The following HPSE2 variants were observed in gnomAD, a reference collection of about 807,000 sequenced individuals.
HPSE2 encodes heparanase 2 (inactive).
A neutral mutation model predicts 60.5 loss-of-function variants in HPSE2; 38 were observed. The observed-to-expected ratio is 0.63, with a 90% CI of 0.48 to 0.82. HPSE2 has a LOEUF of 0.82. Ranked by LOEUF, HPSE2 falls within the 40% of genes least tolerant of loss-of-function variation. The pLI, the probability that HPSE2 is intolerant of heterozygous loss-of-function variation, is 0.00. For synonymous variants in HPSE2, 295 were observed against 293.2 expected (o/e 1.01, Z -0.06); for missense variants, 713 against 740.4 (o/e 0.96, Z 0.43).
At chr10:98,691,157 C>G (rs1312453800) in intron 6 of HPSE2, among the ~76,000 whole-genome samples, 1 of 152,124 alleles carries the variant, frequency 6.6e-6, no homozygotes, top group Non-Finnish European at 1.5e-5. Flanking sequence ...TCCTCCTGGC[C>G]AGAATTGCCT....
intron 3 of HPSE2, among the ~76,000 whole-genome samples, chr10:99,029,553 C>T (rs541062440): frequency 2.3e-4 from 35 of 152,186 alleles, no homozygotes; most frequent in Non-Finnish European, 3.2e-4. Flanking sequence ...ACGTGGGTCA[C>T]GTGTCCACTG....
intron 3 of HPSE2, among the ~76,000 whole-genome samples, chr10:99,007,951 CT>C (rs953304826): frequency 4.1e-4 from 62 of 152,318 alleles, no homozygotes; most frequent in African/African-American, 1.4e-3. Context: ...TCCCCATGCC[CT>C]GTATGCATAA....
chr10:98,531,982 C>T (rs1178238837), intron 9 of HPSE2, among the ~76,000 whole-genome samples: 1 of 152,162 alleles, frequency 6.6e-6, no homozygotes, highest in Non-Finnish European at 1.5e-5. Flanking sequence ...TTCATATTGA[C>T]ATTTAAACCA....
At chr10:98,971,811 T>C (rs1462828487) in intron 3 of HPSE2, among the ~76,000 whole-genome samples, 1 of 152,052 alleles carries the variant, frequency 6.6e-6, no homozygotes, top group East Asian at 1.9e-4. Context: ...CATAAACACA[T>C]AAGTGAAATT....
intron 6 of HPSE2, among the ~76,000 whole-genome samples, chr10:98,643,595 G>A (rs1946692179): frequency 6.6e-6 from 1 of 152,018 alleles, no homozygotes; most frequent in South Asian, 2.1e-4. Flanking sequence ...ACATAGTGCT[G>A]GGCATATCCA....
intron 2 of HPSE2, among the ~76,000 whole-genome samples, chr10:99,149,974 T>C (rs1411802966): frequency 6.6e-6 from 1 of 152,064 alleles, no homozygotes. Context: ...TTCTTTGTTG[T>C]TATGTAATCA....
chr10:98,755,110 T>C (rs1034933748), intron 3 of HPSE2, among the ~76,000 whole-genome samples: 3 of 152,040 alleles, frequency 2.0e-5, no homozygotes, highest in Non-Finnish European at 4.4e-5. Flanking sequence ...GACCCAACTA[T>C]ATGCTGTATT....
intron 3 of HPSE2, among the ~76,000 whole-genome samples, chr10:98,960,745 T>TA (rs1206943736): frequency 0.027 from 3,706 of 136,188 alleles, 95 homozygotes; most frequent in Middle Eastern, 0.07. Context: ...ATTTTATTTT[T>TA]TTTTTTATTA....
chr10:99,312,640 T>A, the HPSE2 span, among the ~76,000 whole-genome samples: 1 of 152,212 alleles, frequency 6.6e-6, no homozygotes, highest in Non-Finnish European at 1.5e-5. Context: ...CTGATGCAGA[T>A]GTACAAGGAA....
intron 3 of HPSE2, among the ~76,000 whole-genome samples, chr10:98,930,562 C>T (rs558179035): frequency 6.9e-6 from 1 of 144,838 alleles, no homozygotes; most frequent in South Asian, 2.1e-4. Context: ...AGTTACCACA[C>T]TGTCTTCCAC....
At chr10:98,966,579 G>A (rs556614688) in intron 3 of HPSE2, among the ~76,000 whole-genome samples, 2 of 152,196 alleles carry the variant, frequency 1.3e-5, no homozygotes, top group Admixed American at 6.5e-5. Flanking sequence ...TTAAATGGTG[G>A]GACTGTATTT....
chr10:98,491,262 G>C (rs1250884200), intron 9 of HPSE2, among the ~76,000 whole-genome samples: 1 of 151,380 alleles, frequency 6.6e-6, no homozygotes, highest in Non-Finnish European at 1.5e-5. Context: ...AAAAATATCT[G>C]ATGAACTGCA....
the HPSE2 span, among the ~76,000 whole-genome samples, chr10:99,302,658 C>T: frequency 6.6e-6 from 1 of 152,072 alleles, no homozygotes; most frequent in Admixed American, 6.6e-5. Context: ...CAAGGCTGAG[C>T]AATGGAAGAT....
At chr10:98,599,323 A>G (rs1235373167) in intron 9 of HPSE2, among the ~76,000 whole-genome samples, 1 of 152,154 alleles carries the variant, frequency 6.6e-6, no homozygotes, top group Non-Finnish European at 1.5e-5. Context: ...TGAAGGCTGA[A>G]TTGAACGGTG....
Position 99,086,658 on chromosome 10 carries a change from G to A in HPSE2, c.610+57580C>T, listed in dbSNP as rs899180257. Among the ~76,000 whole-genome samples the A allele has an allele frequency of 5.3e-5, 8 of 152,210 alleles. 2 individuals carry two copies. The highest frequency in any genetic ancestry group is 5.2e-4 in the Admixed American group (8 of 15,286). On this transcript the variant is annotated intron_variant, in intron 3 of 11. Transcript: ENST00000370552. ...TGAGCCACCGCGCCCGGCCGGAAAA[G>A]TACTTTCATCTGAAGATTTTAAATA...
intron 2 of HPSE2, among the ~76,000 whole-genome samples, chr10:99,204,005 T>C (rs1004192809): frequency 6.6e-6 from 1 of 152,112 alleles, no homozygotes; most frequent in Admixed American, 6.5e-5. Context: ...ACTCCAAGCC[T>C]GTCTCAGTGG....
intron 9 of HPSE2, among the ~76,000 whole-genome samples, chr10:98,599,189 G>T (rs1225797732): frequency 6.6e-6 from 1 of 152,120 alleles, no homozygotes; most frequent in Non-Finnish European, 1.5e-5. Flanking sequence ...CTGTGTCCAT[G>T]GGTGTCAGCC....
At chr10:99,015,620 A>G (rs924410438) in intron 3 of HPSE2, among the ~76,000 whole-genome samples, 9 of 151,818 alleles carry the variant, frequency 5.9e-5, no homozygotes, top group African/African-American at 1.9e-4. Flanking sequence ...TTGAACAATG[A>G]GAACACATGG....
rs773678042 is a variant in HPSE2, at chr10:98,930,986, G to A, written c.611-186930C>T. ...TCCTTAGTTTAATTAGATCCCATTT[G>A]TCAATTTTTGTTTTTGTTGCAATTG... On this transcript the variant is annotated intron_variant, in intron 3 of 11. Transcript: ENST00000370552. Among the ~76,000 whole-genome samples the A allele has an allele frequency of 6.3e-5, 9 of 143,928 alleles. 2 individuals carry two copies. The highest frequency in any genetic ancestry group is 1.3e-4 in the Non-Finnish European group (9 of 67,162). The allele number at this position is 143,928 out of a possible 152,430, so 94.4% of individuals were successfully genotyped here. A position where few individuals can be genotyped will look rare whatever the true frequency, so the allele number is the denominator to read the frequency against.
Sources: allele counts gnomAD v4.1 joint callset (sites outside exome capture counted in the v4.1 genomes callset), GRCh38; gene constraint gnomAD v4.1.1; transcripts MANE v1.5; gene names NCBI Gene and HGNC (gene_info 2026-07-23, HGNC 2026-07-21).